AMPH: variants seen among roughly 807,000 people sequenced by gnomAD.
AMPH encodes amphiphysin, also known as amphiphysin (Stiff-Mann syndrome with breast cancer 128kD autoantigen).
AMPH carries 49 observed loss-of-function variants against 99.1 expected under a neutral mutation model. The ratio of observed to expected loss-of-function variants is 0.49; its 90% CI spans 0.39 to 0.63. The LOEUF is 0.63. Ranked by LOEUF, AMPH falls within the 20% of genes least tolerant of loss-of-function variation. The probability of loss-of-function intolerance (pLI) is 0.00; values close to 1 mark genes in which losing one functional copy is unlikely to be tolerated. For synonymous variants in AMPH, 314 were observed against 317.3 expected, an observed-to-expected ratio of 0.99 and a Z score of 0.11; for missense variants, 759 against 863.4, an observed-to-expected ratio of 0.88 and a Z score of 1.52.
At chr7:38,431,765 C>G (rs1234868695) in intron 13 of AMPH, among the ~76,000 whole-genome samples, 7 of 151,948 alleles carry the variant, frequency 4.6e-5, no homozygotes, top group Non-Finnish European at 7.4e-5. Flanking sequence ...TTCTTATTAA[C>G]CCAAGCTTCA....
chr7:38,562,640 G>A (rs555944155), intron 1 of AMPH, among the ~76,000 whole-genome samples: 1 of 151,646 alleles, frequency 6.6e-6, no homozygotes, highest in East Asian at 1.9e-4. Flanking sequence ...AAGGAATCAT[G>A]ATATGAGCAC....
intron 2 of AMPH, among the ~76,000 whole-genome samples, chr7:38,527,601 G>A (rs1158546146): frequency 6.6e-6 from 1 of 152,082 alleles, no homozygotes; most frequent in Admixed American, 6.5e-5. Flanking sequence ...TATATCTTGT[G>A]ACCTCACTGA....
chr7:38,459,891 T>C (rs1039664491), intron 11 of AMPH, among the ~76,000 whole-genome samples: 1 of 149,350 alleles, frequency 6.7e-6, no homozygotes. Flanking sequence ...AAACAATAAA[T>C]AGGGTGAAAA....
chr7:38,408,605 C>T (rs543415565), intron 17 of AMPH, among the ~76,000 whole-genome samples: 39 of 151,994 alleles, frequency 2.6e-4, no homozygotes, highest in Non-Finnish European at 5.2e-4. Flanking sequence ...ACTAAAGATA[C>T]AACGGCGTGG....
At chr7:38,406,772 CT>C (rs1562732542) in intron 17 of AMPH, among the ~76,000 whole-genome samples, 1 of 134,200 alleles carries the variant, frequency 7.5e-6, no homozygotes, top group African/African-American at 3.0e-5. Context: ...CTCTCTCTCT[CT>C]CTCGTGCTGG....
At chr7:38,507,273 C>T (rs1789362199) in intron 2 of AMPH, among the ~76,000 whole-genome samples, 1 of 152,002 alleles carries the variant, frequency 6.6e-6, no homozygotes, top group Non-Finnish European at 1.5e-5. Context: ...CAAAATTGTA[C>T]AATAATTGCT....
chr7:38,445,656 A>G (rs902206045), intron 11 of AMPH, among the ~76,000 whole-genome samples: 2 of 152,236 alleles, frequency 1.3e-5, no homozygotes, highest in Non-Finnish European at 2.9e-5. Flanking sequence ...AAAATACTTA[A>G]CACCACTAGT....
chr7:38,490,660 T>C (rs1480246021), intron 5 of AMPH, among the ~76,000 whole-genome samples: 1 of 152,182 alleles, frequency 6.6e-6, no homozygotes, highest in Admixed American at 6.5e-5. Flanking sequence ...TTTGCTCTCA[T>C]ATTTACAATG....
intron 1 of AMPH, among the ~76,000 whole-genome samples, chr7:38,570,492 G>A (rs1466984016): frequency 2.0e-5 from 3 of 152,066 alleles, no homozygotes; most frequent in African/African-American, 4.8e-5. Context: ...TTACCACCTA[G>A]TGATGTTGCA....
intron 17 of AMPH, among the ~76,000 whole-genome samples, chr7:38,405,083 C>T (rs1425202869): frequency 6.6e-6 from 1 of 152,014 alleles, no homozygotes; most frequent in African/African-American, 2.4e-5. Flanking sequence ...AAAAAAATGC[C>T]AGCCAAGAAT....
chr7:38,558,963 T>C (rs1305054828), intron 1 of AMPH, among the ~76,000 whole-genome samples: 2 of 152,320 alleles, frequency 1.3e-5, no homozygotes, highest in African/African-American at 4.8e-5. Context: ...GGCAGCAACA[T>C]ACCAAACAGG....
intron 7 of AMPH, among the ~76,000 whole-genome samples, chr7:38,466,659 T>C (rs1008286129): frequency 6.6e-6 from 1 of 152,122 alleles, no homozygotes; most frequent in African/African-American, 2.4e-5. Flanking sequence ...GAGAACTTAT[T>C]TATATTTTAG....
intron 20 of AMPH, among the ~76,000 whole-genome samples, chr7:38,386,370 G>A (rs986243072): frequency 6.6e-6 from 1 of 152,138 alleles, no homozygotes; most frequent in African/African-American, 2.4e-5. Context: ...ATGGAGCCAA[G>A]TAGAGTTAAG....
intron 2 of AMPH, among the ~76,000 whole-genome samples, chr7:38,530,672 G>A (rs984518199): frequency 2.0e-5 from 3 of 152,180 alleles, no homozygotes; most frequent in Non-Finnish European, 4.4e-5. Flanking sequence ...AGGAAGGAGG[G>A]AGAGAAACCA....
At chr7:38,391,686 G>C in intron 19 of AMPH, 62 bp downstream of exon 19, 1 of 1,546,574 alleles carries the variant, frequency 6.5e-7, no homozygotes, top group South Asian at 1.2e-5. Flanking sequence ...GAAAACCAAA[G>C]GCTTGAGCAA....
intron 2 of AMPH, among the ~76,000 whole-genome samples, chr7:38,528,656 G>T (rs549976576): frequency 1.3e-5 from 2 of 151,876 alleles, no homozygotes; most frequent in East Asian, 1.9e-4. Flanking sequence ...TAATTTTATT[G>T]ACTTTTTTCC....
intron 5 of AMPH, among the ~76,000 whole-genome samples, chr7:38,485,223 G>C (rs1788442376): frequency 6.6e-6 from 1 of 151,912 alleles, no homozygotes; most frequent in Admixed American, 6.6e-5. Context: ...ACTATTTATT[G>C]TCTACAAGAG....
chr7:38,570,927 T>TTATATA lies in AMPH; in HGVS notation c.70-35922_70-35917dup, dbSNP rs142367196. On this transcript the variant is annotated intron_variant, in intron 1 of 20. Coordinates refer to ENST00000356264, the MANE Select transcript of AMPH (RefSeq NM_001635.4). ...GCGTCTCAGTTTTTAACAAAAAAAT[T>TTATATA]TATATATATATATATATTTATATAT... 2.8e-3 allele frequency among the ~76,000 whole-genome samples: 57 copies of TTATATA among 20,066 alleles called. 2 individuals carry two copies. Among genetic ancestry groups the TTATATA allele is most frequent in the Non-Finnish European group, 4.7e-3 (40 of 8,576 alleles). The allele number at this position is 20,066 out of a possible 152,430, so 13.2% of individuals were successfully genotyped here.
chr7:38,463,995 C>A (rs77477901), intron 9 of AMPH: 1 of 1,190,072 alleles, frequency 8.4e-7, no homozygotes, highest in Non-Finnish European at 1.1e-6. Flanking sequence ...CACAGACATG[C>A]CACATGATTG....
Sources: allele counts gnomAD v4.1 joint callset (sites outside exome capture counted in the v4.1 genomes callset), GRCh38; gene constraint gnomAD v4.1.1; transcripts MANE v1.5; gene names NCBI Gene and HGNC (gene_info 2026-07-23, HGNC 2026-07-21).